RAB27A: variants seen among roughly 807,000 people sequenced by gnomAD.
RAB27A encodes ras-related protein Rab-27A.
In RAB27A, 17 loss-of-function variants were observed where a neutral mutation model predicts 20.8. That is an observed-to-expected ratio of 0.82 (90% CI 0.56 to 1.23). The LOEUF (loss-of-function observed/expected upper bound fraction) is 1.23. Ranked by LOEUF, RAB27A falls within the 50% of genes most tolerant of loss-of-function variation. The pLI is 0.00. For missense variants in RAB27A, 277 were observed against 266.7 expected, an observed-to-expected ratio of 1.04 and a Z score of -0.27; for synonymous variants, 85 against 92.8, an observed-to-expected ratio of 0.92 and a Z score of 0.48.
rs143932077 is a variant in RAB27A, at chr15:55,310,289, G to A, written c.-112+3750C>T. On this transcript the variant is annotated intron_variant, in intron 2 of 5. Transcript: ENST00000563262. ...GAGTAAGACTGAGAAGGCCACGCCA[G>A]TGTCCAGGAGACAGTTAACCTCCTG... Among the ~76,000 whole-genome samples, 291 of 152,264 alleles carry A rather than the reference G, an allele frequency of 1.9e-3. 2 individuals carry two copies. In the East Asian group the frequency reaches 0.026, roughly 14 times the overall value.
intron 6 of RAB27A, among the ~76,000 whole-genome samples, chr15:55,214,691 A>G (rs1895199513): frequency 6.6e-6 from 1 of 152,130 alleles, no homozygotes; most frequent in African/African-American, 2.4e-5. Flanking sequence ...TCCTCCATCT[A>G]TCACCTTGCA....
intron 2 of RAB27A, among the ~76,000 whole-genome samples, chr15:55,256,562 A>C (rs1897087258): frequency 6.6e-6 from 1 of 152,244 alleles, no homozygotes; most frequent in Non-Finnish European, 1.5e-5. Context: ...GCATGTTTTG[A>C]CTTCAATTTA....
At chr15:55,297,486 G>C (rs971766625) in intron 2 of RAB27A, among the ~76,000 whole-genome samples, 4 of 152,216 alleles carry the variant, frequency 2.6e-5, no homozygotes, top group African/African-American at 9.7e-5. Context: ...GCACCATGGG[G>C]TGATCAAGAA....
chr15:55,313,290 C>T (rs893160928), intron 2 of RAB27A, among the ~76,000 whole-genome samples: 2 of 152,058 alleles, frequency 1.3e-5, no homozygotes, highest in South Asian at 4.2e-4. Flanking sequence ...TAGTTGTGTA[C>T]AACTATAGTC....
upstream of RAB27A, among the ~76,000 whole-genome samples, chr15:55,292,276 T>C (rs2054925645): frequency 6.6e-6 from 1 of 152,220 alleles, no homozygotes. Flanking sequence ...ATGAAGTAGG[T>C]ACTATTCTTA....
chr15:55,274,794 T>TTATGTA (rs1555399453), intron 1 of RAB27A, among the ~76,000 whole-genome samples: 2 of 52,172 alleles, frequency 3.8e-5, no homozygotes, highest in Non-Finnish European at 8.7e-5. Context: ...AATAAATAAA[T>TTATGTA]TATATATATA....
chr15:55,304,053 G>A (rs1162831547), intron 2 of RAB27A, among the ~76,000 whole-genome samples: 2 of 152,064 alleles, frequency 1.3e-5, no homozygotes, highest in Non-Finnish European at 2.9e-5. Context: ...TTGAGAAATC[G>A]GATGGTTGCC....
chr15:55,220,008 C>T (rs972350647), intron 6 of RAB27A, among the ~76,000 whole-genome samples: 3 of 151,902 alleles, frequency 2.0e-5, no homozygotes, highest in Non-Finnish European at 4.4e-5. Flanking sequence ...TAGGCCACTA[C>T]AAATTTTTTT....
chr15:55,209,814 A>ATG lies in RAB27A; in HGVS notation c.468-4111_468-4110dup, dbSNP rs1310123387. Among the ~76,000 whole-genome samples the ATG allele has an allele frequency of 8.8e-5, 12 of 136,752 alleles. 3 individuals carry two copies. The highest frequency in any genetic ancestry group is 3.8e-4 in the African/African-American group (12 of 31,280). 89.7% of individuals were successfully genotyped at this position (136,752 alleles called of 152,430 possible). A position where few individuals can be genotyped will look rare whatever the true frequency, so the allele number is the denominator to read the frequency against. ...TGTGTATGTATACATATATACACAC[A>ATG]TGTGTGTATATATACATATATGTGT... On this transcript the variant is annotated intron_variant, in intron 6 of 6. Transcript: ENST00000336787.
intron 2 of RAB27A, among the ~76,000 whole-genome samples, chr15:55,257,999 G>A (rs147658407): frequency 9.4e-5 from 14 of 149,378 alleles, no homozygotes; most frequent in East Asian, 3.9e-4. Flanking sequence ...CCTGGGAGGC[G>A]CAGGTTGCAG....
At chr15:55,312,245 A>G (rs2055024876) in intron 2 of RAB27A, among the ~76,000 whole-genome samples, 1 of 152,116 alleles carries the variant, frequency 6.6e-6, no homozygotes, top group Non-Finnish European at 1.5e-5. Context: ...AGCGGCAAAC[A>G]ACAGGGGTGG....
chr15:55,310,923 T>C (rs545276898), intron 2 of RAB27A, among the ~76,000 whole-genome samples: 28 of 152,330 alleles, frequency 1.8e-4, no homozygotes, highest in African/African-American at 6.5e-4. Context: ...TTCCTTTCCC[T>C]GTGTTACAGT....
intron 1 of RAB27A, among the ~76,000 whole-genome samples, chr15:55,274,399 A>T (rs1272053613): frequency 1.1e-4 from 17 of 152,116 alleles, no homozygotes; most frequent in Admixed American, 1.1e-3. Flanking sequence ...TAAAAATTGG[A>T]GCCAAAATGA....
In RAB27A at chr15:55,203,100, C is replaced by T. The variant is rs1239230601; in HGVS notation, c.*2407G>A. On this transcript the variant is annotated 3_prime_UTR_variant, in exon 7 of 7. Coordinates refer to ENST00000336787, the MANE Select transcript of RAB27A (RefSeq NM_183235.3). Reference sequence around the variant, plus strand: ...AAAAATATAGTACTTCAATACCAAACTTAAATGATTTCCAAAAAGAATACA... The same window carrying T: ...AAAAATATAGTACTTCAATACCAAATTTAAATGATTTCCAAAAAGAATACA... The T allele has an allele frequency of 6.6e-6, 1 of 152,018 alleles. No individual in the cohort carries two copies. The highest frequency in any genetic ancestry group is 2.4e-5 in the African/African-American group (1 of 41,378). The allele number at this position is 152,018 out of a possible 1,614,324, so 9.4% of individuals were successfully genotyped here. A position where few individuals can be genotyped will look rare whatever the true frequency, so the allele number is the denominator to read the frequency against.
At chr15:55,302,193 G>T (rs796679680) in intron 2 of RAB27A, among the ~76,000 whole-genome samples, 1 of 129,820 alleles carries the variant, frequency 7.7e-6, no homozygotes, top group African/African-American at 3.2e-5. Context: ...AAAAAAAAAA[G>T]TCAGAGTGAG....
At chr15:55,228,558 A>G (rs764838353) in intron 5 of RAB27A, 51 bp downstream of exon 5, 36 of 1,350,312 alleles carry the variant, frequency 2.7e-5, no homozygotes, top group Admixed American at 1.5e-4. Context: ...AGGGCATTCT[A>G]TAAATAAGAG....
intron 2 of RAB27A, among the ~76,000 whole-genome samples, chr15:55,261,672 C>T (rs527910035): frequency 2.6e-5 from 3 of 114,318 alleles, no homozygotes; most frequent in Non-Finnish European, 1.6e-5. Context: ...ACCCAGGAGG[C>T]GGAGGTTGCA....
At chr15:55,274,529 G>A (rs1347826589) in intron 1 of RAB27A, among the ~76,000 whole-genome samples, 1 of 151,824 alleles carries the variant, frequency 6.6e-6, no homozygotes, top group Non-Finnish European at 1.5e-5. Flanking sequence ...TGTAATCCCA[G>A]CACTTTGGGA....
chr15:55,305,765 G>A (rs1422659640), intron 2 of RAB27A, among the ~76,000 whole-genome samples: 1 of 152,196 alleles, frequency 6.6e-6, no homozygotes, highest in East Asian at 1.9e-4. Flanking sequence ...ACTGCTGCTA[G>A]GAAGTTAAGT....
Sources: allele counts gnomAD v4.1 joint callset (sites outside exome capture counted in the v4.1 genomes callset), GRCh38; gene constraint gnomAD v4.1.1; transcripts MANE v1.5; gene names NCBI Gene and HGNC (gene_info 2026-07-23, HGNC 2026-07-21).